Variants in TEX9 observed in about 807,000 individuals in gnomAD.
TEX9 encodes testis expressed 9.
In TEX9, 74 loss-of-function variants were observed where a neutral mutation model predicts 59.6. The ratio of observed to expected loss-of-function variants is 1.24; its 90% confidence interval spans 1.03 to 1.51. TEX9 has a LOEUF of 1.51. Among genes scored for constraint, TEX9 ranks in the 40% most tolerant of loss-of-function variants. The probability of loss-of-function intolerance (pLI) is 0.00; values close to 1 mark genes in which losing one functional copy is unlikely to be tolerated. For synonymous variants in TEX9, 186 were observed against 152.2 expected, an observed-to-expected ratio of 1.22 and a Z score of -1.64; for missense variants, 522 against 447.8, an observed-to-expected ratio of 1.17 and a Z score of -1.49.
At chr15:56,434,991 T>C (rs1337578542) in intron 12 of TEX9, among the ~76,000 whole-genome samples, 3 of 152,110 alleles carry the variant, frequency 2.0e-5, no homozygotes, top group African/African-American at 7.2e-5. Flanking sequence ...GAACATTTTA[T>C]TATGAAAAAT....
chr15:56,413,189 A>T (rs951675165), intron 10 of TEX9, among the ~76,000 whole-genome samples: 6 of 44,652 alleles, frequency 1.3e-4, no homozygotes, highest in Admixed American at 5.1e-4. Context: ...TCTATTTAAT[A>T]ATTAAATATT....
upstream of TEX9, among the ~76,000 whole-genome samples, chr15:56,362,589 T>C (rs1596116563): frequency 6.6e-6 from 1 of 152,356 alleles, no homozygotes; most frequent in East Asian, 1.9e-4. Context: ...TTTACCCATA[T>C]AAAGTGTACT....
chr15:56,291,117 C>A (rs1209349152), intron 1 of TEX9, among the ~76,000 whole-genome samples: 1 of 152,132 alleles, frequency 6.6e-6, no homozygotes, highest in Non-Finnish European at 1.5e-5. Context: ...AGGAAATGAT[C>A]CTGATGCACC....
At chr15:56,400,272 G>A (rs1442787415) in intron 9 of TEX9, among the ~76,000 whole-genome samples, 1 of 152,156 alleles carries the variant, frequency 6.6e-6, no homozygotes, top group Non-Finnish European at 1.5e-5. Flanking sequence ...AGAATAAACA[G>A]TGTAGAGAAG....
chr15:56,389,596 A>G (rs1377237197), intron 6 of TEX9, among the ~76,000 whole-genome samples, 196 bp downstream of exon 6: 4 of 151,992 alleles, frequency 2.6e-5, no homozygotes, highest in Non-Finnish European at 5.9e-5. Context: ...CAGTTAACAA[A>G]TATTTTATAT....
rs75117466 is a variant in TEX9, at chr15:56,421,053, T to C, written c.964-6552T>C. Among the ~76,000 whole-genome samples the C allele has an allele frequency of 1.4e-4, 22 of 152,026 alleles. No individual in the cohort carries two copies. The East Asian group carries it at 3.9e-3, about 27-fold the overall frequency. ...TGGAGTATTCTATAAATGTCAATTA[T>C]GTCAAATTGCTTGATAGTGTTGTTC... On this transcript the variant is annotated intron_variant, in intron 10 of 12. Coordinates refer to ENST00000352903, the Ensembl canonical transcript of TEX9.
intron 1 of TEX9, among the ~76,000 whole-genome samples, chr15:56,300,769 A>G (rs1205604553): frequency 1.4e-5 from 2 of 147,812 alleles, no homozygotes; most frequent in Admixed American, 1.4e-4. Flanking sequence ...TGTTTGGGGA[A>G]AAGTAAAGCA....
Position 56,418,114 on chromosome 15 carries a change from G to A in TEX9, c.963+5678G>A, listed in dbSNP as rs1040558237. ...CTTCTGAAGACAGCATACCATTTGA[G>A]TCTTGCTTTTTTATCCAGCTTGTCA... is the stretch of plus-strand genomic sequence containing the variant. On this transcript the variant is annotated intron_variant, in intron 10 of 12. Coordinates refer to ENST00000352903, the Ensembl canonical transcript of TEX9. 2.4e-4 allele frequency among the ~76,000 whole-genome samples: 37 copies of A among 151,858 alleles called. 1 individual carries two copies. The highest frequency in any genetic ancestry group is 8.5e-4 in the African/African-American group (35 of 41,160).
At chr15:56,309,490 A>G (rs948146809) in intron 1 of TEX9, among the ~76,000 whole-genome samples, 29 of 152,280 alleles carry the variant, frequency 1.9e-4, no homozygotes, top group African/African-American at 7.0e-4. Context: ...TAACATCCAC[A>G]TTCATAAGGA....
At chr15:56,439,446 TAAA>T (rs35812910) in intron 12 of TEX9, among the ~76,000 whole-genome samples, 2 of 151,566 alleles carry the variant, frequency 1.3e-5, no homozygotes, top group Admixed American at 1.3e-4. Flanking sequence ...CTAGAATAGC[TAAA>T]AAAAAAATTT....
At chr15:56,367,195 G>GTT (rs2046984648) in intron 2 of TEX9, among the ~76,000 whole-genome samples, 1 of 152,098 alleles carries the variant, frequency 6.6e-6, no homozygotes, top group South Asian at 2.1e-4. Flanking sequence ...AGTATTATAT[G>GTT]GTGGCCAGTT....
chr15:56,352,340 G>A (rs145836372), intron 1 of TEX9, among the ~76,000 whole-genome samples: 4,190 of 152,218 alleles, frequency 0.028, 78 homozygotes, highest in Non-Finnish European at 0.043. Flanking sequence ...CGCCTCCCGG[G>A]TTCAAGCAAT....
chr15:56,315,092 A>G (rs1426470311), intron 1 of TEX9, among the ~76,000 whole-genome samples: 8 of 151,268 alleles, frequency 5.3e-5, no homozygotes, highest in African/African-American at 1.5e-4. Context: ...GATGGGTCTT[A>G]ACTCTTTATC....
rs115967980 is a variant in TEX9 at position 56,262,361 on chromosome 15, G to A, written c.-107+18083G>A. Among the ~76,000 whole-genome samples, 512 of 152,138 alleles carry A rather than the reference G, an allele frequency of 3.4e-3. 3 individuals carry two copies. The highest frequency in any genetic ancestry group is 0.011 in the African/African-American group (464 of 41,508). ...TTTCATTTTCATTATCTTGAGTACT[G>A]GTTTATTTAGAAAAGCTTTGTTTTA... On this transcript the variant is annotated intron_variant, in intron 1 of 5. Transcript: ENST00000560827.
At chr15:56,368,933 C>T (rs2047065618) in intron 2 of TEX9, among the ~76,000 whole-genome samples, 1 of 152,074 alleles carries the variant, frequency 6.6e-6, no homozygotes, top group Admixed American at 6.6e-5. Context: ...ATGATCTCTT[C>T]TAACTGGGGT....
intron 4 of TEX9, among the ~76,000 whole-genome samples, chr15:56,384,470 T>C (rs1364668742): frequency 1.3e-5 from 2 of 152,166 alleles, no homozygotes; most frequent in African/African-American, 4.8e-5. Flanking sequence ...AAATTCCAAT[T>C]GGTAAAATCT....
At chr15:56,428,756 G>T in intron 12 of TEX9, 1 of 349,992 alleles carries the variant, frequency 2.9e-6, no homozygotes, top group Non-Finnish European at 5.1e-6. Context: ...TTATTTCCCT[G>T]GCTAAATCAA....
chr15:56,311,154 TA>T (rs545795186), intron 1 of TEX9, among the ~76,000 whole-genome samples: 6,288 of 144,432 alleles, frequency 0.044, 200 homozygotes, highest in Admixed American at 0.087. Context: ...TTTTTTTTTT[TA>T]ATTATACTTT....
intron 6 of TEX9, among the ~76,000 whole-genome samples, chr15:56,389,613 CTT>C (rs1400102630): frequency 6.6e-6 from 1 of 151,762 alleles, no homozygotes; most frequent in East Asian, 1.9e-4. Context: ...ATATTGTTCT[CTT>C]AAGCAAAATT....
Sources: gnomAD v4.1 joint callset for allele counts (sites outside exome capture counted in the v4.1 genomes callset) on GRCh38, gnomAD v4.1.1 for gene constraint, MANE v1.5 for transcripts, NCBI Gene and HGNC (gene_info 2026-07-23, HGNC 2026-07-21) for gene names.